GNAL: variants seen among roughly 807,000 people sequenced by gnomAD.
GNAL encodes G protein subunit alpha L.
GNAL carries 18 observed loss-of-function variants against 55.1 expected under a neutral mutation model. The ratio of observed to expected loss-of-function variants is 0.33; its 90% CI spans 0.23 to 0.48. GNAL has a LOEUF of 0.48. Among genes scored for constraint, GNAL ranks in the 20% least tolerant of loss-of-function variants. The pLI is 0.99. For missense variants in GNAL, 412 were observed against 614.1 expected, an observed-to-expected ratio of 0.67 and a Z score of 3.48; for synonymous variants, 253 against 237.0, an observed-to-expected ratio of 1.07 and a Z score of -0.62.
intron 5 of GNAL, among the ~76,000 whole-genome samples, chr18:11,841,478 T>C (rs7241336): frequency 0.065 from 9,839 of 151,908 alleles, 438 homozygotes; most frequent in African/African-American, 0.12. Flanking sequence ...AAACCCTGCC[T>C]TTACTAAAAA....
chr18:11,754,000 T>C, intron 4 of GNAL, 55 bp downstream of exon 4: 1 of 1,330,536 alleles, frequency 7.5e-7, no homozygotes, highest in Non-Finnish European at 1.1e-6. Context: ...CCATTTTTAA[T>C]AAGGTTTCTT....
intron 1 of GNAL, among the ~76,000 whole-genome samples, chr18:11,728,929 C>T (rs2032274424): frequency 1.3e-5 from 2 of 152,170 alleles, no homozygotes; most frequent in Admixed American, 1.3e-4. Context: ...GGAGAAATCA[C>T]TCAAAGCTCT....
At chr18:11,741,464 A>G (rs997999545) in intron 1 of GNAL, among the ~76,000 whole-genome samples, 1 of 152,078 alleles carries the variant, frequency 6.6e-6, no homozygotes, top group African/African-American at 2.4e-5. Context: ...AACCACACAA[A>G]CTCCTCTGTG....
At chr18:11,731,884 C>G (rs1220209129) in intron 1 of GNAL, among the ~76,000 whole-genome samples, 1 of 152,210 alleles carries the variant, frequency 6.6e-6, no homozygotes, top group Non-Finnish European at 1.5e-5. Context: ...AACCATTAGT[C>G]TATTTTCTCT....
At chr18:11,800,721 T>C (rs765016639) in intron 4 of GNAL, among the ~76,000 whole-genome samples, 4 of 152,214 alleles carry the variant, frequency 2.6e-5, no homozygotes, top group African/African-American at 7.2e-5. Context: ...GGGGCTGTCA[T>C]GTGGAAGGTG....
chr18:11,840,822 C>G (rs893467590), intron 5 of GNAL, among the ~76,000 whole-genome samples: 1 of 151,270 alleles, frequency 6.6e-6, no homozygotes, highest in Non-Finnish European at 1.5e-5. Flanking sequence ...CTTTGTCCTT[C>G]TTTCTTTGAT....
At chr18:11,710,475 A>G (rs187913205) in intron 1 of GNAL, among the ~76,000 whole-genome samples, 74 of 152,290 alleles carry the variant, frequency 4.9e-4, no homozygotes, top group Middle Eastern at 3.4e-3. Context: ...TTGTCTACAT[A>G]TTTACCTTTA....
At chr18:11,784,046 G>A (rs972759608) in intron 4 of GNAL, among the ~76,000 whole-genome samples, 1 of 152,258 alleles carries the variant, frequency 6.6e-6, no homozygotes, top group African/African-American at 2.4e-5. Flanking sequence ...CTGCTCTCAG[G>A]GTGAGTGTCC....
intron 5 of GNAL, among the ~76,000 whole-genome samples, chr18:11,846,872 C>T (rs1422032246): frequency 6.6e-6 from 1 of 152,084 alleles, no homozygotes; most frequent in Non-Finnish European, 1.5e-5. Flanking sequence ...CCATCACACC[C>T]AGCCCTGGAC....
In GNAL at chr18:11,752,304, G is replaced by A; in HGVS notation, c.377-549G>A. 6.9e-7 allele frequency: 1 copy of A among 1,452,280 alleles called. No individual in the cohort carries two copies. Among genetic ancestry groups the A allele is most frequent in the Non-Finnish European group, 9.0e-7 (1 of 1,106,320 alleles). 90.0% of individuals were successfully genotyped at this position (1,452,280 alleles called of 1,614,324 possible). A position where few individuals can be genotyped will look rare whatever the true frequency, so the allele number is the denominator to read the frequency against. On this transcript the variant is annotated intron_variant, in intron 1 of 11. Transcript: ENST00000334049. The surrounding 1 kb of genome is among the most constrained non-coding windows in gnomAD (Gnocchi z 4.5). Reference sequence around the variant, plus strand: ...CGCCTGCTCTGAATCGGAAAACACCGAAGAGACCAGACCATCTCTTTCAGC... The same window carrying A: ...CGCCTGCTCTGAATCGGAAAACACCAAAGAGACCAGACCATCTCTTTCAGC...
At chr18:11,861,012 C>T (rs965040594) in intron 5 of GNAL, among the ~76,000 whole-genome samples, 5 of 152,180 alleles carry the variant, frequency 3.3e-5, no homozygotes, top group Non-Finnish European at 5.9e-5. Context: ...GGTTCACAGG[C>T]GCCTGCAGAG....
At chr18:11,864,705 G>A (rs560737011) in intron 7 of GNAL, 99 bp downstream of exon 7, 1 of 771,704 alleles carries the variant, frequency 1.3e-6, no homozygotes, top group South Asian at 1.4e-5. Context: ...GAATGTGCAT[G>A]GCAGCCCTTT....
chr18:11,787,842 C>T (rs578237658), intron 4 of GNAL, among the ~76,000 whole-genome samples: 23 of 151,268 alleles, frequency 1.5e-4, no homozygotes, highest in African/African-American at 5.6e-4. Flanking sequence ...CCACTGCACT[C>T]CAGCCTGGGA....
chr18:11,768,907 A>AAAAT (rs1555648412), intron 4 of GNAL, among the ~76,000 whole-genome samples: 14 of 109,506 alleles, frequency 1.3e-4, no homozygotes, highest in African/African-American at 5.9e-4. Context: ...AAAAAAAAAA[A>AAAAT]ATATATATAT....
chr18:11,801,873 C>T (rs549635687), intron 4 of GNAL, among the ~76,000 whole-genome samples: 23 of 152,216 alleles, frequency 1.5e-4, no homozygotes, highest in African/African-American at 5.5e-4. Flanking sequence ...GAGTTCGAGC[C>T]TGGCCATGCT....
Position 11,881,063 on chromosome 18 carries a change from C to T in GNAL, c.1305C>T (p.Asn435=), listed in dbSNP as rs769088024. Residue 435 remains asparagine, a synonymous_variant, in exon 12 of 12, where the codon AAC becomes AAT. Coordinates refer to ENST00000334049, the MANE Select transcript of GNAL (RefSeq NM_182978.4). This position sits in a 1 kb window ranked among gnomAD's most constrained non-coding sequence, Gnocchi z 4.8. ...PHFTCAVDTE[N]IRRVFNDCRD... is the part of the protein sequence containing the mutation. ...TCACCTGCGCCGTGGACACAGAGAA[C>T]ATCCGCAGGGTGTTCAACGACTGCC... 2 of 1,613,956 alleles carry T rather than the reference C, an allele frequency of 1.2e-6. No homozygotes were observed. The highest frequency in any genetic ancestry group is 2.2e-5 in the East Asian group (1 of 44,878).
chr18:11,717,902 A>G (rs980395905), intron 1 of GNAL, among the ~76,000 whole-genome samples: 2 of 152,244 alleles, frequency 1.3e-5, no homozygotes, highest in Non-Finnish European at 2.9e-5. Flanking sequence ...AAGTTTGCCT[A>G]TATAATAAAC....
rs949511017 is a variant in GNAL, at chr18:11,881,851, G to T, written c.*716G>T. The T allele has an allele frequency of 6.6e-6, 1 of 152,484 alleles. No homozygotes were observed. The highest frequency in any genetic ancestry group is 2.4e-5 in the African/African-American group (1 of 41,420). 9.4% of individuals were successfully genotyped at this position (152,484 alleles called of 1,614,324 possible). ...GTCCCTATTGCTGGTTTATTACACT[G>T]TACAGACCACAAAATGTAATATTCT... is the stretch of plus-strand genomic sequence containing the variant. On this transcript the variant is annotated 3_prime_UTR_variant, in exon 12 of 12. Transcript: ENST00000334049. This position sits in a 1 kb window ranked among gnomAD's most constrained non-coding sequence, Gnocchi z 4.8.
intron 1 of GNAL, among the ~76,000 whole-genome samples, chr18:11,710,667 A>G (rs1305304153): frequency 6.6e-6 from 1 of 150,996 alleles, no homozygotes; most frequent in Non-Finnish European, 1.5e-5. Flanking sequence ...TTTGCCAGGT[A>G]TAGTGTTCTT....
Sources: allele counts gnomAD v4.1 joint callset (sites outside exome capture counted in the v4.1 genomes callset), GRCh38; gene constraint gnomAD v4.1.1; non-coding constraint Gnocchi (gnomAD v3.1); transcripts MANE v1.5; gene names NCBI Gene and HGNC (gene_info 2026-07-23, HGNC 2026-07-21).